Variants in LIFR observed in about 807,000 individuals in gnomAD.
The protein encoded by LIFR is leukemia inhibitory factor receptor.
LIFR carries 84 observed loss-of-function variants against 122.2 expected under a neutral mutation model. That is an observed-to-expected ratio of 0.69 (90% CI 0.58 to 0.82). The LOEUF is 0.82. Among genes scored for constraint, LIFR ranks in the 40% least tolerant of loss-of-function variants. The pLI, the probability that LIFR is intolerant of heterozygous loss-of-function variation, is 0.00. For synonymous variants in LIFR, 422 were observed against 434.7 expected, an observed-to-expected ratio of 0.97 and a Z score of 0.36; for missense variants, 1,294 against 1,311.6, an observed-to-expected ratio of 0.99 and a Z score of 0.21.
At chr5:38,546,870 C>T (rs1004816185) in intron 1 of LIFR, among the ~76,000 whole-genome samples, 7 of 152,252 alleles carry the variant, frequency 4.6e-5, no homozygotes, top group African/African-American at 1.7e-4. Flanking sequence ...TATTTGTGAG[C>T]TGAAAAAGTT....
intron 1 of LIFR, among the ~76,000 whole-genome samples, chr5:38,535,372 C>T (rs1747241256): frequency 6.6e-6 from 1 of 152,194 alleles, no homozygotes; most frequent in Non-Finnish European, 1.5e-5. Context: ...GCTTCCACAA[C>T]ACTTTAATTA....
At chr5:38,505,365 G>A (rs1442740886) in intron 9 of LIFR, among the ~76,000 whole-genome samples, 3 of 150,880 alleles carry the variant, frequency 2.0e-5, no homozygotes, top group Non-Finnish European at 4.4e-5. Context: ...ATGTGGTGGT[G>A]GTTACCTGAA....
Position 38,505,930 on chromosome 5 carries a change from T to C in LIFR, c.1266A>G (p.Thr422=). The change falls in exon 9 of 20, where the codon ACA becomes ACG. Residue 422 remains threonine, a synonymous_variant. Transcript: ENST00000453190. The stretch of plus-strand genomic sequence containing the variant: ...CTTTTTCAGTTATATTAACTAAAAT[T>C]GTTGATTGTGATCGACCCAGCGGAT... ...AHNPLGRSQS[T]ILVNITEKVY... 6.2e-7 allele frequency: 1 copy of C among 1,608,798 alleles called. No individual in the cohort carries two copies. The highest frequency in any genetic ancestry group is 8.5e-7 in the Non-Finnish European group (1 of 1,177,280).
upstream of LIFR, among the ~76,000 whole-genome samples, chr5:38,598,459 T>C (rs1210225199): frequency 6.6e-6 from 1 of 151,850 alleles, no homozygotes; most frequent in Admixed American, 6.6e-5. Flanking sequence ...TTGGTCAGGC[T>C]GGTCTTAAAC....
intron 1 of LIFR, among the ~76,000 whole-genome samples, chr5:38,564,546 C>T (rs545832071): frequency 2.0e-5 from 3 of 151,956 alleles, no homozygotes; most frequent in Non-Finnish European, 2.9e-5. Flanking sequence ...TACTGCTATT[C>T]ATCTCTGGTG....
intron 11 of LIFR, among the ~76,000 whole-genome samples, chr5:38,502,068 C>T (rs535622284): frequency 1.3e-5 from 2 of 151,308 alleles, no homozygotes; most frequent in Admixed American, 6.6e-5. Flanking sequence ...TCATTCTATG[C>T]ATTATCGTAA....
chr5:38,520,540 AG>A (rs1337575910), intron 5 of LIFR, among the ~76,000 whole-genome samples: 1 of 152,126 alleles, frequency 6.6e-6, no homozygotes, highest in African/African-American at 2.4e-5. Context: ...AATGTCCTAT[AG>A]TATTTTCCCC....
At position 38,556,140 on chromosome 5, in the gene LIFR, C is replaced by T. The variant is rs181967781; in HGVS notation, c.-20+194G>A. ...TCTGGGCGCTGGAGTCCGCGTCCCCCAGGACACGAGGGTGACCCAAGGGCG... is the reference window on the plus strand; with the variant it reads ...TCTGGGCGCTGGAGTCCGCGTCCCCTAGGACACGAGGGTGACCCAAGGGCG... On this transcript the variant is annotated intron_variant, in intron 1 of 19. Transcript: ENST00000453190. Among the ~76,000 whole-genome samples the T allele has an allele frequency of 5.7e-3, 873 of 152,268 alleles. 8 individuals carry two copies. The highest frequency in any genetic ancestry group is 0.02 in the African/African-American group (833 of 41,572).
At chr5:38,530,725 C>T (rs1288662128) in intron 1 of LIFR, 59 bp from the exon 2 acceptor site, 2 of 1,367,120 alleles carry the variant, frequency 1.5e-6, no homozygotes, top group East Asian at 2.3e-5. Context: ...TCACCTTATA[C>T]TGTGCACACA....
chr5:38,489,192 A>G lies in LIFR; in HGVS notation c.2221T>C (p.Leu741=), dbSNP rs201240160. ...TVEDTSADSI[L]VKWEDIPVEE... Reference sequence around the variant, plus strand: ...ACAGGAATGTCTTCCCATTTTACTAATATCGAATCTGCAGAAGTATCCTCA... The same window carrying G: ...ACAGGAATGTCTTCCCATTTTACTAGTATCGAATCTGCAGAAGTATCCTCA... The change falls in exon 16 of 20, where the codon TTA becomes CTA. Residue 741 remains leucine, a synonymous_variant. Transcript: ENST00000453190. 22 of 1,613,076 alleles carry G rather than the reference A, an allele frequency of 1.4e-5. No individual in the cohort carries two copies. The highest frequency in any genetic ancestry group is 2.7e-5 in the African/African-American group (2 of 74,892).
At chr5:38,544,530 C>A (rs1466015398) in intron 1 of LIFR, among the ~76,000 whole-genome samples, 3 of 152,106 alleles carry the variant, frequency 2.0e-5, no homozygotes. Context: ...CTCAGGAAGG[C>A]CTCTACTCAT....
chr5:38,568,653 T>C (rs549648457), intron 1 of LIFR, among the ~76,000 whole-genome samples: 2 of 152,308 alleles, frequency 1.3e-5, no homozygotes, highest in East Asian at 3.9e-4. Context: ...CCCTCCTAGC[T>C]ATGCTGGTTG....
chr5:38,499,572 C>T lies in LIFR; in HGVS notation c.1612G>A (p.Gly538Arg). ...HLTTEASPSK[G>R]PDTWREWSSD... Reference sequence around the variant, plus strand: ...CTCCACTCTCTCCAAGTATCAGGCCCCTTTGAAGGACCTAAAAAGGAGATT... The same window carrying T: ...CTCCACTCTCTCCAAGTATCAGGCCTCTTTGAAGGACCTAAAAAGGAGATT... The change falls in exon 12 of 20, where the codon GGG becomes AGG. Residue 538 changes from glycine to arginine, a missense_variant. By Grantham distance (125) the Gly-to-Arg change is moderately radical. Coordinates refer to ENST00000453190, the MANE Select transcript of LIFR (RefSeq NM_001127671.2). 6.2e-7 allele frequency: 1 copy of T among 1,606,632 alleles called. No individual in the cohort carries two copies. The highest frequency in any genetic ancestry group is 8.5e-7 in the Non-Finnish European group (1 of 1,173,254).
chr5:38,528,859 C>G lies in LIFR; in HGVS notation c.143-19G>C. On this transcript the variant is annotated intron_variant, in intron 2 of 19. Coordinates refer to ENST00000453190, the MANE Select transcript of LIFR (RefSeq NM_001127671.2). ...GGAGCCCCTGGAGGAGACACACACA[C>G]ACACACACACACACACACAGACACA... 1 of 1,002,264 alleles carries G rather than the reference C, an allele frequency of 1.0e-6. No homozygotes were observed. The highest frequency in any genetic ancestry group is 1.5e-6 in the Non-Finnish European group (1 of 656,442). 62.1% of individuals were successfully genotyped at this position (1,002,264 alleles called of 1,614,324 possible).
intron 1 of LIFR, among the ~76,000 whole-genome samples, chr5:38,543,489 A>C (rs1747703920): frequency 6.6e-6 from 1 of 152,212 alleles, no homozygotes; most frequent in African/African-American, 2.4e-5. Flanking sequence ...AACAGTAAGA[A>C]TGATGAAGAT....
chr5:38,536,860 G>C (rs1001517992), intron 1 of LIFR, among the ~76,000 whole-genome samples: 2 of 152,118 alleles, frequency 1.3e-5, no homozygotes, highest in African/African-American at 4.8e-5. Context: ...TTTAACATTT[G>C]CTACATTATA....
At chr5:38,493,919 C>T (rs1487657764) in intron 13 of LIFR, 134 bp from the exon 14 acceptor site, 1 of 737,128 alleles carries the variant, frequency 1.4e-6, no homozygotes, top group African/African-American at 1.8e-5. Flanking sequence ...ACTAGATAAA[C>T]CTAGAGCAAA....
At chr5:38,517,522 C>T (rs181105024) in intron 5 of LIFR, among the ~76,000 whole-genome samples, 161 of 152,104 alleles carry the variant, frequency 1.1e-3, no homozygotes, top group Non-Finnish European at 2.1e-3. Context: ...ACAAGACTTG[C>T]CATTAGAATC....
At chr5:38,575,397 C>G (rs553506141) in intron 1 of LIFR, among the ~76,000 whole-genome samples, 152 of 152,198 alleles carry the variant, frequency 1.0e-3, no homozygotes, top group African/African-American at 3.3e-3. Context: ...GTATATTATA[C>G]TTTAAGAGGT....
Sources: gnomAD v4.1 joint callset for allele counts (sites outside exome capture counted in the v4.1 genomes callset) on GRCh38, gnomAD v4.1.1 for gene constraint, MANE v1.5 for transcripts, NCBI Gene and HGNC (gene_info 2026-07-23, HGNC 2026-07-21) for gene names.